Variants in BIRC6 observed in about 807,000 individuals in gnomAD.
The protein encoded by BIRC6 is baculoviral IAP repeat containing 6.
In BIRC6, 98 loss-of-function variants were observed where a neutral mutation model predicts 503.3. The observed-to-expected ratio is 0.19, with a 90% CI of 0.17 to 0.23. BIRC6 has a LOEUF of 0.23. BIRC6 is among the 10% of genes least tolerant of loss of function. BIRC6 has a pLI of 1.00. For missense variants in BIRC6, 5,360 were observed against 5,806.0 expected (o/e 0.92, Z 2.50); for synonymous variants, 2,240 against 2,078.7 (o/e 1.08, Z -2.11).
At chr2:32,370,970 T>C (rs1233819916) in intron 1 of BIRC6, among the ~76,000 whole-genome samples, 1 of 152,110 alleles carries the variant, frequency 6.6e-6, no homozygotes, top group Non-Finnish European at 1.5e-5. Context: ...AGTATTAGAA[T>C]TGGTAACTAA....
intron 23 of BIRC6, among the ~76,000 whole-genome samples, chr2:32,462,594 C>T (rs971951137): frequency 1.3e-5 from 2 of 152,098 alleles, no homozygotes; most frequent in Non-Finnish European, 2.9e-5. Flanking sequence ...ATTTCTTACC[C>T]TCAAATTGTG....
chr2:32,454,080 T>A (rs1014591653), intron 23 of BIRC6, 138 bp downstream of exon 23: 8 of 713,018 alleles, frequency 1.1e-5, no homozygotes, highest in Non-Finnish European at 1.7e-5. Context: ...GAGGGGCATT[T>A]GGGGGAAATA....
intron 3 of BIRC6, among the ~76,000 whole-genome samples, chr2:32,385,138 T>C (rs1553385535): frequency 1.3e-5 from 2 of 152,236 alleles, no homozygotes; most frequent in Non-Finnish European, 2.9e-5. Flanking sequence ...CTCCTTGTGA[T>C]TGGGGCTATG....
chr2:32,377,748 G>A lies in BIRC6; in HGVS notation c.486G>A (p.Gln162=). The stretch of plus-strand genomic sequence containing the variant: ...TTTCAAAGCAGGATGATGTGGTTCA[G>A]CTTGAATTACCCGTTACAGAGGTAA... ...TPVSKQDDVV[Q]LELPVTEAQQ... The change falls in exon 2 of 74, where the codon CAG becomes CAA. Residue 162 remains glutamine, a synonymous_variant. Coordinates refer to ENST00000421745, the MANE Select transcript of BIRC6 (RefSeq NM_016252.4). 6.2e-7 allele frequency: 1 copy of A among 1,613,012 alleles called. No homozygotes were observed. The highest frequency in any genetic ancestry group is 8.5e-7 in the Non-Finnish European group (1 of 1,179,528).
intron 65 of BIRC6, chr2:32,565,200 T>C (rs936468519): frequency 6.6e-6 from 1 of 152,194 alleles, no homozygotes; most frequent in Non-Finnish European, 1.5e-5. Flanking sequence ...TAATTAAATG[T>C]TTTAGAACCT....
intron 71 of BIRC6, among the ~76,000 whole-genome samples, chr2:32,607,008 A>AT (rs1306976661): frequency 6.6e-6 from 1 of 150,640 alleles, no homozygotes; most frequent in East Asian, 1.9e-4. Context: ...ACTCAGTCTT[A>AT]TTAAAAAAAA....
intron 65 of BIRC6, chr2:32,566,368 A>T (rs2059534304): frequency 2.0e-5 from 3 of 152,084 alleles, no homozygotes; most frequent in Non-Finnish European, 4.4e-5. Flanking sequence ...CTAATTTTTT[A>T]AATTTTATAC....
At chr2:32,377,444 C>T in intron 1 of BIRC6, 144 bp from the exon 2 acceptor site, 2 of 508,728 alleles carry the variant, frequency 3.9e-6, no homozygotes, top group Non-Finnish European at 3.2e-6. Flanking sequence ...TCCAGTTGGC[C>T]CAATAATGTT....
chr2:32,549,230 T>A (rs973144971), intron 64 of BIRC6, 83 bp from the exon 65 acceptor site: 2 of 931,166 alleles, frequency 2.1e-6, no homozygotes, highest in South Asian at 3.2e-5. Context: ...GTACTCTTAG[T>A]ATTCAGATTG....
chr2:32,477,537 C>T lies in BIRC6; in HGVS notation c.7022C>T (p.Ser2341Phe). The T allele has an allele frequency of 6.2e-7, 1 of 1,613,810 alleles. No individual in the cohort carries two copies. The highest frequency in any genetic ancestry group is 1.6e-4 in the Middle Eastern group (1 of 6,062). The change falls in exon 35 of 74, where the codon TCC becomes TTC. Residue 2341 changes from serine (S) to phenylalanine (F), a missense_variant. Coordinates refer to ENST00000421745, the MANE Select transcript of BIRC6 (RefSeq NM_016252.4). The stretch of plus-strand genomic sequence containing the variant: ...CAGAAACTTGTTCTGTTTCTTCTCT[C>T]CATGGACTTTACATGTCATGCAGAT... ...VVQKLVLFLL[S>F]MDFTCHADLL...
intron 60 of BIRC6, among the ~76,000 whole-genome samples, chr2:32,530,525 A>G (rs1009639382): frequency 2.0e-5 from 3 of 152,176 alleles, no homozygotes; most frequent in Non-Finnish European, 1.5e-5. Context: ...ATTCCATTAA[A>G]TATTTTTGAA....
At chr2:32,371,173 A>G (rs1418295614) in intron 1 of BIRC6, among the ~76,000 whole-genome samples, 2 of 135,402 alleles carry the variant, frequency 1.5e-5, no homozygotes, top group Non-Finnish European at 3.1e-5. Context: ...AGATTGCGCC[A>G]TTGCACCACT....
intron 65 of BIRC6, among the ~76,000 whole-genome samples, chr2:32,573,932 T>A (rs2151008701): frequency 6.6e-6 from 1 of 152,332 alleles, no homozygotes; most frequent in East Asian, 1.9e-4. Context: ...CATTTCTATA[T>A]GTAATATAAC....
intron 23 of BIRC6, among the ~76,000 whole-genome samples, chr2:32,459,652 A>G (rs1016920528): frequency 6.6e-6 from 1 of 152,172 alleles, no homozygotes; most frequent in Non-Finnish European, 1.5e-5. Flanking sequence ...TTTTAAATGC[A>G]TTAACACTTG....
intron 69 of BIRC6, 84 bp from the exon 70 acceptor site, chr2:32,599,655 C>A: frequency 7.0e-7 from 1 of 1,423,562 alleles, no homozygotes; most frequent in South Asian, 1.3e-5. Flanking sequence ...GAAGGTTGTT[C>A]TTATTTCATG....
At position 32,515,705 on chromosome 2, in the gene BIRC6, G is replaced by T. The variant is rs2054955733; in HGVS notation, c.11284G>T (p.Ala3762Ser). The T allele has an allele frequency of 6.2e-7, 1 of 1,603,010 alleles. No individual in the cohort carries two copies. Among genetic ancestry groups the T allele is most frequent in the African/African-American group, 1.3e-5 (1 of 74,924 alleles). The change falls in exon 55 of 74, where the codon GCA becomes TCA. Residue 3762 changes from alanine (A) to serine (S), a missense_variant. Ala to Ser is a moderately conservative substitution (Grantham distance 99, BLOSUM62 1). Coordinates refer to ENST00000421745, the MANE Select transcript of BIRC6 (RefSeq NM_016252.4). ...TCAACAGCGCACAGCAATTGAGAAT[G>T]CAACTGTTGCGTTCTTTCTACAGTG... ...TTQQRTAIEN[A>S]TVAFFLQCIS...
intron 3 of BIRC6, among the ~76,000 whole-genome samples, chr2:32,387,654 A>C (rs577261204): frequency 6.6e-6 from 1 of 152,224 alleles, no homozygotes; most frequent in Non-Finnish European, 1.5e-5. Flanking sequence ...TTATGGTGAC[A>C]ACAGCAACAA....
intron 72 of BIRC6, among the ~76,000 whole-genome samples, chr2:32,607,975 CAAAAAAAAAA>C (rs35242178): frequency 1.9e-4 from 10 of 51,936 alleles, no homozygotes; most frequent in Non-Finnish European, 2.8e-4. Flanking sequence ...ACTCCATCTC[CAAAAAAAAAA>C]AAAAAAAAAA....
intron 23 of BIRC6, among the ~76,000 whole-genome samples, chr2:32,461,000 C>A (rs1365974909): frequency 4.8e-5 from 1 of 20,744 alleles, no homozygotes; most frequent in Non-Finnish European, 1.0e-4. Context: ...CTGCTCTGCT[C>A]TCTTCTCTTC....
Sources: gnomAD v4.1 joint callset for allele counts (sites outside exome capture counted in the v4.1 genomes callset) on GRCh38, gnomAD v4.1.1 for gene constraint, MANE v1.5 for transcripts, NCBI Gene and HGNC (gene_info 2026-07-23, HGNC 2026-07-21) for gene names.